The following NEMP1 variants were observed in gnomAD, a reference collection of about 807,000 sequenced individuals.
NEMP1 encodes nuclear envelope integral membrane protein 1.
NEMP1 carries 29 observed loss-of-function variants against 53.7 expected under a neutral mutation model. The observed-to-expected ratio is 0.54, with a 90% confidence interval of 0.40 to 0.74. The LOEUF is 0.74. NEMP1 is among the 30% of genes least tolerant of loss of function. NEMP1 has a pLI of 0.00. For synonymous variants in NEMP1, 193 were observed against 192.9 expected, an observed-to-expected ratio of 1.00 and a Z score of 0.00; for missense variants, 477 against 528.6, an observed-to-expected ratio of 0.90 and a Z score of 0.96.
rs2032737168 is a variant in NEMP1, at chr12:57,078,543, GCCCTCGGGACAAT to G, written c.127+63_127+75del. The G allele has an allele frequency of 1.7e-5, 26 of 1,517,906 alleles. 1 individual carries two copies. The South Asian group carries it at 3.2e-4, about 19-fold the overall frequency. The allele number at this position is 1,517,906 out of a possible 1,614,324, so 94.0% of individuals were successfully genotyped here. A position where few individuals can be genotyped will look rare whatever the true frequency, so the allele number is the denominator to read the frequency against. Reference sequence around the variant, plus strand: ...GCCCTTCTGCAGAGTAACGGCCCGCGCCCTCGGGACAATCCCTTTTCCAAAAATAACCCCCTCG... The same window carrying G: ...GCCCTTCTGCAGAGTAACGGCCCGCGCCCTTTTCCAAAAATAACCCCCTCG... On this transcript the variant is annotated intron_variant, in intron 1 of 8. Transcript: ENST00000300128.
intron 1 of NEMP1, among the ~76,000 whole-genome samples, chr12:57,073,334 T>C (rs369811792): frequency 2.8e-4 from 43 of 152,016 alleles, no homozygotes; most frequent in African/African-American, 9.6e-4. Context: ...TTTTTTGTAT[T>C]AAGTATCTAT....
chr12:57,063,682 GTAAA>G (rs2031930869), intron 6 of NEMP1, among the ~76,000 whole-genome samples: 1 of 152,100 alleles, frequency 6.6e-6, no homozygotes, highest in Non-Finnish European at 1.5e-5. Flanking sequence ...TTTTTACTTT[GTAAA>G]TAAAATCTAC....
At chr12:57,062,981 A>G (rs2031889868) in intron 7 of NEMP1, 138 bp downstream of exon 7, 1 of 596,238 alleles carries the variant, frequency 1.7e-6, no homozygotes, top group African/African-American at 1.9e-5. Context: ...TAGACTCGGG[A>G]AGGAACAAAA....
chr12:57,087,263 C>A (rs1832476383), intron 1 of NEMP1, among the ~76,000 whole-genome samples: 1 of 152,222 alleles, frequency 6.6e-6, no homozygotes, highest in African/African-American at 2.4e-5. Flanking sequence ...GCGGGCGTCT[C>A]CCTCCAGATC....
upstream of NEMP1, among the ~76,000 whole-genome samples, chr12:57,079,240 C>T (rs888522546): frequency 2.0e-5 from 3 of 152,000 alleles, no homozygotes; most frequent in Non-Finnish European, 4.4e-5. Flanking sequence ...TTTTTAAAGT[C>T]GACTGACAAA....
intron 1 of NEMP1, among the ~76,000 whole-genome samples, chr12:57,075,217 T>C (rs1198184807): frequency 6.6e-6 from 1 of 150,796 alleles, no homozygotes; most frequent in Non-Finnish European, 1.5e-5. Flanking sequence ...AAACCCCATC[T>C]CTACTAAAAG....
intron 1 of NEMP1, among the ~76,000 whole-genome samples, chr12:57,077,367 G>A (rs2032683113): frequency 1.3e-5 from 2 of 151,454 alleles, no homozygotes; most frequent in South Asian, 2.1e-4. Context: ...GCGTGGTGGC[G>A]GGCAAGTGTA....
intron 5 of NEMP1, 25 bp downstream of exon 5, chr12:57,064,621 T>C: frequency 1.9e-6 from 3 of 1,546,954 alleles, no homozygotes; most frequent in Non-Finnish European, 2.7e-6. Flanking sequence ...TCATTCTAGC[T>C]GCACATGAAG....
chr12:57,070,144 A>G (rs1030789175), intron 3 of NEMP1, among the ~76,000 whole-genome samples: 1 of 152,238 alleles, frequency 6.6e-6, no homozygotes, highest in Non-Finnish European at 1.5e-5. Context: ...TTCAGAAAAG[A>G]GAAAACTTCT....
intron 2 of NEMP1, among the ~76,000 whole-genome samples, chr12:57,071,409 G>A (rs969462096): frequency 1.3e-5 from 2 of 151,530 alleles, no homozygotes; most frequent in Non-Finnish European, 2.9e-5. Context: ...ATGGAGTCTC[G>A]CTCTGTCGCC....
intron 4 of NEMP1, among the ~76,000 whole-genome samples, chr12:57,068,699 G>A (rs1028341958): frequency 3.3e-5 from 5 of 150,304 alleles, no homozygotes; most frequent in Non-Finnish European, 6.0e-5. Context: ...ACAAGTAGCT[G>A]GGACTACAGG....
chr12:57,061,418 GCA>G (rs1259920771), intron 7 of NEMP1, among the ~76,000 whole-genome samples: 1 of 152,120 alleles, frequency 6.6e-6, no homozygotes, highest in African/African-American at 2.4e-5. Context: ...TTCTAGCCAG[GCA>G]CAGTGGCTCA....
At chr12:57,087,726 A>G (rs1421213812) in intron 1 of NEMP1, among the ~76,000 whole-genome samples, 1 of 151,452 alleles carries the variant, frequency 6.6e-6, no homozygotes, top group Non-Finnish European at 1.5e-5. Flanking sequence ...CACGGCCTCC[A>G]CGCCCCGCCA....
chr12:57,060,170 T>A, intron 8 of NEMP1, 111 bp from the exon 9 acceptor site: 1 of 979,364 alleles, frequency 1.0e-6, no homozygotes, highest in Non-Finnish European at 1.5e-6. Context: ...CAAATTATAT[T>A]AAGTCTAGCC....
chr12:57,071,811 C>T (rs1306555607), intron 2 of NEMP1, among the ~76,000 whole-genome samples: 3 of 149,848 alleles, frequency 2.0e-5, no homozygotes, highest in African/African-American at 7.4e-5. Context: ...GGTGACTGAG[C>T]GAGACTCCGT....
upstream of NEMP1, among the ~76,000 whole-genome samples, chr12:57,082,123 G>A (rs531463030): frequency 3.1e-4 from 47 of 152,158 alleles, no homozygotes; most frequent in Non-Finnish European, 6.0e-4. Flanking sequence ...GGCTGAGGCA[G>A]GAGAATCACT....
chr12:57,073,108 T>C lies in NEMP1; in HGVS notation c.128-196A>G, dbSNP rs77938897. Among the ~76,000 whole-genome samples, 909 of 151,830 alleles carry C rather than the reference T, an allele frequency of 6.0e-3. 4 individuals carry two copies. The highest frequency in any genetic ancestry group is 0.011 in the Non-Finnish European group (715 of 67,954). On this transcript the variant is annotated intron_variant, in intron 1 of 8. Coordinates refer to ENST00000300128, the MANE Select transcript of NEMP1 (RefSeq NM_001130963.2). ...TTTCTGTCGTTTAATTATTTAAATA[T>C]TACACAGTCATTCAGTCAGAAAAGT... is the stretch of plus-strand genomic sequence containing the variant.
intron 1 of NEMP1, among the ~76,000 whole-genome samples, chr12:57,073,854 A>T (rs1331441515): frequency 6.6e-6 from 1 of 152,214 alleles, no homozygotes; most frequent in Non-Finnish European, 1.5e-5. Context: ...TATGGTCTTA[A>T]ACACTAGATA....
Position 57,058,084 on chromosome 12 carries a change from C to T in NEMP1, c.*1795G>A, listed in dbSNP as rs568454619. ...GTTTCCCAATGTAAAGTTCCTTTTA[C>T]CCTTCAACTGTAACCCATAGCATCT... On this transcript the variant is annotated 3_prime_UTR_variant, in exon 9 of 9. Coordinates refer to ENST00000300128, the MANE Select transcript of NEMP1 (RefSeq NM_001130963.2). The T allele has an allele frequency of 1.3e-5, 2 of 152,184 alleles. No individual in the cohort carries two copies. The highest frequency in any genetic ancestry group is 2.9e-5 in the Non-Finnish European group (2 of 68,028). The allele number at this position is 152,184 out of a possible 1,614,324, so 9.4% of individuals were successfully genotyped here.
Sources: allele counts gnomAD v4.1 joint callset (sites outside exome capture counted in the v4.1 genomes callset), GRCh38; gene constraint gnomAD v4.1.1; transcripts MANE v1.5; gene names NCBI Gene and HGNC (gene_info 2026-07-23, HGNC 2026-07-21).